The following SPTBN1 variants were observed in gnomAD, a reference collection of about 807,000 sequenced individuals.
The protein encoded by SPTBN1 is spectrin beta chain, non-erythrocytic 1.
SPTBN1 carries 32 observed loss-of-function variants against 266.4 expected under a neutral mutation model. The ratio of observed to expected loss-of-function variants is 0.12; its 90% confidence interval spans 0.09 to 0.16. The LOEUF is 0.16. Ranked by LOEUF, SPTBN1 falls within the 10% of genes least tolerant of loss-of-function variation. SPTBN1 has a pLI of 1.00. For missense variants in SPTBN1, 2,296 were observed against 3,067.1 expected, an observed-to-expected ratio of 0.75 and a Z score of 5.94; for synonymous variants, 1,336 against 1,162.2, an observed-to-expected ratio of 1.15 and a Z score of -3.04.
At chr2:54,460,577 T>C (rs1355102115) in intron 1 of SPTBN1, among the ~76,000 whole-genome samples, 3 of 152,248 alleles carry the variant, frequency 2.0e-5, no homozygotes, top group Non-Finnish European at 4.4e-5. Flanking sequence ...CTCCCTCTGC[T>C]CTGGCATCTT....
intron 18 of SPTBN1, among the ~76,000 whole-genome samples, chr2:54,639,875 A>G (rs1389512777): frequency 1.3e-5 from 2 of 152,158 alleles, no homozygotes. Context: ...TGTCCAGGAG[A>G]TGATTTGCAG....
intron 1 of SPTBN1, among the ~76,000 whole-genome samples, chr2:54,482,193 A>C (rs1314973869): frequency 1.3e-5 from 2 of 152,026 alleles, no homozygotes; most frequent in African/African-American, 2.4e-5. Flanking sequence ...TTGGCAGCGC[A>C]TTGGCATCCC....
intron 1 of SPTBN1, among the ~76,000 whole-genome samples, chr2:54,487,558 G>A: frequency 6.6e-6 from 1 of 152,032 alleles, no homozygotes; most frequent in East Asian, 1.9e-4. Context: ...TCAGACATGT[G>A]TTCACAAAGC....
intron 1 of SPTBN1, among the ~76,000 whole-genome samples, chr2:54,461,675 C>G (rs1412482885): frequency 6.6e-6 from 1 of 152,194 alleles, no homozygotes; most frequent in Admixed American, 6.5e-5. Context: ...TACAATTTCT[C>G]TGATTATTGA....
chr2:54,525,969 T>C (rs1670790028), intron 1 of SPTBN1, among the ~76,000 whole-genome samples: 1 of 152,222 alleles, frequency 6.6e-6, no homozygotes, highest in Non-Finnish European at 1.5e-5. Context: ...TGACCTCAGG[T>C]GATCTGCCCA....
intron 2 of SPTBN1, chr2:54,559,018 C>T: frequency 9.7e-7 from 1 of 1,034,660 alleles, no homozygotes; most frequent in East Asian, 2.9e-5. Flanking sequence ...CTGCGGGCAC[C>T]CCATTCACGA....
chr2:54,587,661 G>A (rs987017565), intron 2 of SPTBN1, among the ~76,000 whole-genome samples: 2 of 152,204 alleles, frequency 1.3e-5, no homozygotes, highest in African/African-American at 4.8e-5. Flanking sequence ...AGCTTGTGGG[G>A]AGGGCTGGAA....
intron 2 of SPTBN1, among the ~76,000 whole-genome samples, chr2:54,582,851 T>A (rs917883827): frequency 1.3e-5 from 2 of 152,164 alleles, no homozygotes; most frequent in African/African-American, 2.4e-5. Context: ...TTCGTGACTG[T>A]GGGCAAATAA....
At chr2:54,580,582 A>G (rs1248200156) in intron 2 of SPTBN1, among the ~76,000 whole-genome samples, 1 of 150,292 alleles carries the variant, frequency 6.7e-6, no homozygotes, top group African/African-American at 2.5e-5. Flanking sequence ...AAGTGTATTC[A>G]TATTCTCACA....
At chr2:54,590,361 A>G (rs967228864) in intron 2 of SPTBN1, among the ~76,000 whole-genome samples, 29 of 152,304 alleles carry the variant, frequency 1.9e-4, no homozygotes, top group African/African-American at 6.5e-4. Context: ...ACCACCAACA[A>G]TAAGATTTAT....
At chr2:54,492,338 G>GGTTTTTTT (rs1558775035) in intron 1 of SPTBN1, among the ~76,000 whole-genome samples, 5 of 118,110 alleles carry the variant, frequency 4.2e-5, no homozygotes, top group Non-Finnish European at 3.4e-5. Flanking sequence ...TTTGTCTGCA[G>GGTTTTTTT]TTGTTTTTTT....
intron 27 of SPTBN1, among the ~76,000 whole-genome samples, chr2:54,654,622 T>C (rs1680528354): frequency 6.6e-6 from 1 of 152,212 alleles, no homozygotes; most frequent in Admixed American, 6.5e-5. Context: ...TGTGTCTGAA[T>C]AAGGAGACCG....
rs371833214 is a variant in SPTBN1, at chr2:54,484,584, T to C, written c.-48+28066T>C. 1.2e-3 allele frequency among the ~76,000 whole-genome samples: 189 copies of C among 152,356 alleles called. 1 individual carries two copies. Among genetic ancestry groups the C allele is most frequent in the South Asian group, 0.012 (59 of 4,834 alleles). On this transcript the variant is annotated intron_variant, in intron 1 of 35. Coordinates refer to ENST00000356805, the MANE Select transcript of SPTBN1 (RefSeq NM_003128.3). The stretch of plus-strand genomic sequence containing the variant: ...GGAATAATAGGAAAGCCAGCGTTGA[T>C]GACAAGTGTCTTCTGTAGTTGCCAT...
Position 54,645,688 on chromosome 2 carries a change from CTT to C in SPTBN1, c.4495-236_4495-235del, listed in dbSNP as rs1409949640. 6.6e-6 allele frequency among the ~76,000 whole-genome samples: 1 copy of C among 152,120 alleles called. No individual in the cohort carries two copies. Among genetic ancestry groups the C allele is most frequent in the Non-Finnish European group, 1.5e-5 (1 of 68,028 alleles). ...AGGATTTTAATGGCCCTAAAACAGA[CTT>C]TTTAAAAGTAATGAGGACTCACAGT... On this transcript the variant is annotated intron_variant, in intron 21 of 35. Coordinates refer to ENST00000356805, the MANE Select transcript of SPTBN1 (RefSeq NM_003128.3). The surrounding 1 kb of genome is among the most constrained non-coding windows in gnomAD (Gnocchi z 4.3).
intron 2 of SPTBN1, among the ~76,000 whole-genome samples, chr2:54,565,861 A>C (rs895662145): frequency 1.3e-5 from 2 of 152,260 alleles, no homozygotes; most frequent in East Asian, 3.8e-4. Context: ...GAAAACTTCT[A>C]CATATAAATG....
chr2:54,655,141 A>T lies in SPTBN1; in HGVS notation c.5894A>T (p.Asp1965Val), dbSNP rs868323084. 12 of 1,614,230 alleles carry T rather than the reference A, an allele frequency of 7.4e-6. No individual in the cohort carries two copies. In the Middle Eastern group the frequency reaches 2.0e-3, roughly 266 times the overall value. The part of the protein sequence containing the change: ...GIKAEIDARN[D>V]SFTTCIELGK... ...AAAGCTGAAATTGATGCACGTAATG[A>T]CAGTTTCACAACCTGCATTGAACTT... The change falls in exon 28 of 36, where the codon GAC (aspartate) becomes GTC (valine). Residue 1965 changes from aspartate (D) to valine (V), a missense_variant. Around this residue, in one of 12 missense-constraint regions of SPTBN1, gnomAD observed 644 missense variants for 745.3 expected, o/e 0.86. Coordinates refer to ENST00000356805, the MANE Select transcript of SPTBN1 (RefSeq NM_003128.3).
At chr2:54,595,835 C>A (rs1400864007) in intron 2 of SPTBN1, among the ~76,000 whole-genome samples, 1 of 152,160 alleles carries the variant, frequency 6.6e-6, no homozygotes. Context: ...CATCCTGGGC[C>A]TCTACCCTCT....
At chr2:54,457,110 C>G (rs1469950655) in intron 1 of SPTBN1, among the ~76,000 whole-genome samples, 1 of 151,216 alleles carries the variant, frequency 6.6e-6, no homozygotes, top group East Asian at 2.0e-4. Flanking sequence ...GCCCCGCGCC[C>G]CCACCTCCGC....
chr2:54,561,958 A>G (rs1451938659), intron 2 of SPTBN1, among the ~76,000 whole-genome samples: 1 of 151,452 alleles, frequency 6.6e-6, no homozygotes, highest in African/African-American at 2.4e-5. Flanking sequence ...CAAGCCCTTC[A>G]ACCTCTGATG....
Sources: gnomAD v4.1 joint callset for allele counts (sites outside exome capture counted in the v4.1 genomes callset) on GRCh38, gnomAD v4.1.1 for gene constraint, gnomAD v4.1.1 regional missense constraint, Gnocchi (gnomAD v3.1) non-coding constraint, MANE v1.5 for transcripts, NCBI Gene and HGNC (gene_info 2026-07-23, HGNC 2026-07-21) for gene names.